Variants in ANK3 observed in about 807,000 individuals in gnomAD.
The protein encoded by ANK3 is ankyrin 3.
Under a neutral mutation model 370.9 loss-of-function variants are expected in ANK3, and 57 were observed. The observed-to-expected ratio is 0.15, with a 90% CI of 0.12 to 0.19. The LOEUF (loss-of-function observed/expected upper bound fraction) is 0.19. ANK3 is among the 10% of genes least tolerant of loss of function. ANK3 has a pLI of 1.00. For synonymous variants in ANK3, 1,929 were observed against 1,946.3 expected, an observed-to-expected ratio of 0.99 and a Z score of 0.23; for missense variants, 4,439 against 5,302.1, an observed-to-expected ratio of 0.84 and a Z score of 5.06.
intron 25 of ANK3, among the ~76,000 whole-genome samples, chr10:60,121,098 A>G: frequency 6.6e-6 from 1 of 152,190 alleles, no homozygotes; most frequent in African/African-American, 2.4e-5. Context: ...AAATACATAC[A>G]CAATGGAGTA....
intron 2 of ANK3, among the ~76,000 whole-genome samples, chr10:60,477,294 A>G (rs1350957675): frequency 6.6e-6 from 1 of 152,094 alleles, no homozygotes; most frequent in Admixed American, 6.6e-5. Flanking sequence ...TGGAAAAAGG[A>G]AAGATCATCA....
At chr10:60,030,490 A>T (rs769410109) in intron 43 of ANK3, among the ~76,000 whole-genome samples, 1 of 152,084 alleles carries the variant, frequency 6.6e-6, no homozygotes, top group Non-Finnish European at 1.5e-5. Flanking sequence ...GTTGCCATGG[A>T]CACCCCCAGG....
intron 2 of ANK3, among the ~76,000 whole-genome samples, chr10:60,603,246 A>G (rs2078088433): frequency 6.6e-6 from 1 of 152,176 alleles, no homozygotes. Flanking sequence ...CTGACATAGC[A>G]TATGCAAACC....
At chr10:60,666,929 A>G (rs1030173586) in intron 1 of ANK3, among the ~76,000 whole-genome samples, 9 of 152,050 alleles carry the variant, frequency 5.9e-5, no homozygotes, top group Non-Finnish European at 8.8e-5. Context: ...TTAATTTTAG[A>G]GTTACTACCA....
In ANK3 at chr10:60,520,122, T is replaced by C. The variant is rs142841699; in HGVS notation, c.96+95064A>G. On this transcript the variant is annotated intron_variant, in intron 2 of 43. Coordinates refer to the ANK3 transcript ENST00000373827. ...AGTCATCAAAAAGAATGAAATCATGTCCTTTGCAGCAACATGGATGCAGCT... is the reference window on the plus strand; with the variant it reads ...AGTCATCAAAAAGAATGAAATCATGCCCTTTGCAGCAACATGGATGCAGCT... Among the ~76,000 whole-genome samples the C allele has an allele frequency of 3.5e-3, 537 of 152,242 alleles. 3 individuals carry two copies. Among genetic ancestry groups the C allele is most frequent in the African/African-American group, 0.012 (517 of 41,558 alleles).
At chr10:60,267,486 C>A (rs928517855) in intron 5 of ANK3, among the ~76,000 whole-genome samples, 7 of 152,026 alleles carry the variant, frequency 4.6e-5, no homozygotes, top group Non-Finnish European at 1.0e-4. Flanking sequence ...CTTAAAACTA[C>A]AAAAATAACA....
intron 42 of ANK3, chr10:60,043,837 C>A: frequency 2.0e-6 from 2 of 984,954 alleles, no homozygotes; most frequent in Non-Finnish European, 2.4e-6. Context: ...ATTCTGTCCC[C>A]TATAAATGAC....
chr10:60,204,913 C>T (rs1017985539), intron 11 of ANK3, among the ~76,000 whole-genome samples: 4 of 152,040 alleles, frequency 2.6e-5, no homozygotes, highest in Non-Finnish European at 5.9e-5. Flanking sequence ...TTCTAAAGGA[C>T]GTGCAGGATT....
chr10:60,522,240 C>A (rs1462381166), intron 2 of ANK3, among the ~76,000 whole-genome samples: 1 of 151,956 alleles, frequency 6.6e-6, no homozygotes, highest in African/African-American at 2.4e-5. Context: ...CCAGGTGTTT[C>A]CAATTTTATG....
chr10:60,153,478 T>G (rs928622070), intron 23 of ANK3, among the ~76,000 whole-genome samples: 1 of 152,168 alleles, frequency 6.6e-6, no homozygotes, highest in Non-Finnish European at 1.5e-5. Flanking sequence ...GGAAGACAGA[T>G]TGCATAAAAC....
At chr10:60,655,218 GA>G (rs1426145905) in intron 1 of ANK3, among the ~76,000 whole-genome samples, 1 of 149,826 alleles carries the variant, frequency 6.7e-6, no homozygotes, top group Non-Finnish European at 1.5e-5. Flanking sequence ...AAAAAAAAAA[GA>G]AAAAAAGGTT....
At chr10:60,570,896 A>T (rs1232036049) in intron 2 of ANK3, among the ~76,000 whole-genome samples, 1 of 152,122 alleles carries the variant, frequency 6.6e-6, no homozygotes, top group African/African-American at 2.4e-5. Flanking sequence ...AAGCTCGATG[A>T]TTTACAACGA....
intron 2 of ANK3, among the ~76,000 whole-genome samples, chr10:60,539,669 A>T (rs2076802576): frequency 6.6e-6 from 1 of 151,934 alleles, no homozygotes. Flanking sequence ...AAATGTACAT[A>T]TAGGACAAAA....
chr10:60,154,924 A>C (rs1046812905), intron 23 of ANK3, among the ~76,000 whole-genome samples: 2 of 152,108 alleles, frequency 1.3e-5, no homozygotes, highest in Admixed American at 6.5e-5. Flanking sequence ...TTTTACTTGA[A>C]TTTTCATCTT....
rs2082717860 is a variant in ANK3, at chr10:60,071,694, T to A, written c.9187A>T (p.Ser3063Cys). 1.3e-6 allele frequency: 2 copies of A among 1,599,470 alleles called. No individual in the cohort carries two copies. Among genetic ancestry groups the A allele is most frequent in the Non-Finnish European group, 1.7e-6 (2 of 1,174,812 alleles). Residue 3063 changes from serine (S) to cysteine (C), a missense_variant, in exon 37 of 44, where the codon AGT becomes TGT. Transcript: ENST00000280772. Reference protein sequence around the residue: ...EFSPGKESPSSDVFDHSPIDG... With the variant: ...EFSPGKESPSCDVFDHSPIDG... Reference sequence around the variant, plus strand: ...ATGGGACTGTGGTCGAATACATCACTAGAGGGAGATTCCTTTCCTGGGCTA... The same window carrying A: ...ATGGGACTGTGGTCGAATACATCACAAGAGGGAGATTCCTTTCCTGGGCTA...
At chr10:60,230,532 T>C (rs1297689022) in intron 8 of ANK3, among the ~76,000 whole-genome samples, 1 of 152,190 alleles carries the variant, frequency 6.6e-6, no homozygotes, top group East Asian at 1.9e-4. Context: ...CCAGTTGATA[T>C]TAATTAGCAT....
rs547626356 is a variant in ANK3, at chr10:60,389,086, C to T, written c.114+339G>A. ...GGCCTCTCCCTCTAACCCAAGTCAC[C>T]GCAGTGCATTTCACCTTGACTGGGC... On this transcript the variant is annotated intron_variant, in intron 1 of 43. Coordinates refer to ENST00000280772, the MANE Select transcript of ANK3 (RefSeq NM_020987.5). Among the ~76,000 whole-genome samples the T allele has an allele frequency of 9.1e-4, 138 of 152,184 alleles. 1 individual carries two copies. The highest frequency in any genetic ancestry group is 3.2e-3 in the African/African-American group (131 of 41,502).
intron 2 of ANK3, among the ~76,000 whole-genome samples, chr10:60,571,940 AGGGTCGAAT>A (rs1259054354): frequency 1.3e-5 from 2 of 152,202 alleles, no homozygotes; most frequent in African/African-American, 4.8e-5. Flanking sequence ...GTATGACTGC[AGGGTCGAAT>A]GCAAACCTGA....
chr10:60,359,055 A>C (rs2058216970), intron 1 of ANK3, among the ~76,000 whole-genome samples: 2 of 152,046 alleles, frequency 1.3e-5, no homozygotes, highest in South Asian at 4.1e-4. Flanking sequence ...TTGTTTGACT[A>C]TCTCCACTAG....
Sources: allele counts gnomAD v4.1 joint callset (sites outside exome capture counted in the v4.1 genomes callset), GRCh38; gene constraint gnomAD v4.1.1; transcripts MANE v1.5; gene names NCBI Gene and HGNC (gene_info 2026-07-23, HGNC 2026-07-21).